Variants in CD244 observed in about 807,000 individuals in gnomAD.
CD244 encodes the protein CD244 molecule.
Under a neutral mutation model 45.5 loss-of-function variants are expected in CD244, and 20 were observed. That is an observed-to-expected ratio of 0.44 (90% CI 0.31 to 0.64). CD244 has a LOEUF of 0.64. Among genes scored for constraint, CD244 ranks in the 30% least tolerant of loss-of-function variants. CD244 has a pLI of 0.08. For synonymous variants in CD244, 185 were observed against 160.5 expected, an observed-to-expected ratio of 1.15 and a Z score of -1.15; for missense variants, 407 against 426.9, an observed-to-expected ratio of 0.95 and a Z score of 0.41.
intron 3 of CD244, among the ~76,000 whole-genome samples, chr1:160,841,006 G>C (rs528283683): frequency 6.6e-6 from 1 of 152,284 alleles, no homozygotes; most frequent in African/African-American, 2.4e-5. Context: ...AAGGAAATAG[G>C]GATAACATTT....
At chr1:160,837,621 G>A (rs758808796) in intron 5 of CD244, among the ~76,000 whole-genome samples, 20 of 152,204 alleles carry the variant, frequency 1.3e-4, no homozygotes, top group African/African-American at 3.6e-4. Flanking sequence ...TGGCCAGCAC[G>A]GAAGAGCCCC....
intron 7 of CD244, chr1:160,832,841 A>G (rs1669174944): frequency 2.2e-6 from 1 of 462,456 alleles, no homozygotes; most frequent in Admixed American, 2.7e-5. Flanking sequence ...ACATACACCT[A>G]AAACCCATAC....
At chr1:160,859,743 CAA>C (rs541327271) in intron 1 of CD244, among the ~76,000 whole-genome samples, 80 of 108,610 alleles carry the variant, frequency 7.4e-4, no homozygotes, top group African/African-American at 2.1e-3. Context: ...CCTGTATCTA[CAA>C]AAAAAAAAAA....
chr1:160,832,871 T>TACACAC (rs374890353), intron 7 of CD244, among the ~76,000 whole-genome samples: 1 of 108,238 alleles, frequency 9.2e-6, no homozygotes, highest in East Asian at 2.4e-4. Flanking sequence ...TGTGTGTGTG[T>TACACAC]ATATATATAT....
rs755005955 is a variant in CD244 at position 160,836,211 on chromosome 1, G to C, written c.878C>G (p.Ser293Cys). 1.2e-6 allele frequency: 2 copies of C among 1,613,786 alleles called. No homozygotes were observed. The highest frequency in any genetic ancestry group is 8.5e-7 in the Non-Finnish European group (1 of 1,179,648). Reference protein sequence around the residue: ...TFPGGGSTIYSMIQSQSSAPT... With the variant: ...TFPGGGSTIYCMIQSQSSAPT... Reference sequence around the variant, plus strand: ...GAGAGGTACCTGGGACTGGATCATAGAGTAGATGGTGCTCCCCCCTCCAGG... The same window carrying C: ...GAGAGGTACCTGGGACTGGATCATACAGTAGATGGTGCTCCCCCCTCCAGG... Residue 293 changes from serine to cysteine, a missense_variant, in exon 6 of 9, where the codon TCT (serine) becomes TGT (cysteine). Physicochemically the swap from Ser to Cys is moderately radical, Grantham distance 112 (BLOSUM62 -1). Transcript: ENST00000368034.
At chr1:160,839,495 A>G (rs6671710) in intron 3 of CD244, among the ~76,000 whole-genome samples, 68,889 of 151,892 alleles carry the variant, frequency 0.45, 17,561 homozygotes, top group Middle Eastern at 0.57. Flanking sequence ...ATATTCAGGG[A>G]AAAAAAATGC....
chr1:160,842,020 A>T, intron 1 of CD244, 119 bp from the exon 2 acceptor site: 2 of 700,396 alleles, frequency 2.9e-6, no homozygotes, highest in Non-Finnish European at 4.9e-6. Context: ...GGAGCCCAGA[A>T]CCTAGGAGCA....
chr1:160,833,977 C>T, intron 7 of CD244, 74 bp downstream of exon 7: 2 of 1,056,996 alleles, frequency 1.9e-6, no homozygotes, highest in Admixed American at 1.7e-5. Context: ...TGCACACACA[C>T]TCTCACTGCA....
At chr1:160,856,833 T>TA (rs532353208) in intron 1 of CD244, among the ~76,000 whole-genome samples, 6 of 149,762 alleles carry the variant, frequency 4.0e-5, no homozygotes, top group Non-Finnish European at 7.4e-5. Flanking sequence ...TACAGCAAAC[T>TA]AAAAAAAAAT....
chr1:160,839,005 C>A lies in CD244; in HGVS notation c.700G>T (p.Ala234Ser), dbSNP rs572370510. ...CAGGCAAGGGTGCCAAGGAACAGTG[C>A]GCTTAGAATCACGATGATCACCAAA... ...PFLVIIVILS[A>S]LFLGTLACFC... Residue 234 changes from alanine to serine, a missense_variant, in exon 4 of 9, where the codon GCA becomes TCA. Physicochemically the swap from Ala to Ser is moderately conservative, Grantham distance 99. Transcript: ENST00000368034. 3.1e-6 allele frequency: 5 copies of A among 1,613,996 alleles called. No individual in the cohort carries two copies. In the African/African-American group the frequency reaches 4.0e-5, roughly 13 times the overall value.
intron 7 of CD244, among the ~76,000 whole-genome samples, chr1:160,833,642 C>T (rs1669217990): frequency 6.6e-6 from 1 of 152,194 alleles, no homozygotes; most frequent in African/African-American, 2.4e-5. Context: ...TTGTGTCTCT[C>T]TAGATCCAGT....
intron 1 of CD244, among the ~76,000 whole-genome samples, chr1:160,860,872 T>C (rs12035295): frequency 0.25 from 38,790 of 152,128 alleles, 5,479 homozygotes; most frequent in East Asian, 0.4. Flanking sequence ...GCCTGCCCTA[T>C]AGACACAGGA....
intron 1 of CD244, among the ~76,000 whole-genome samples, chr1:160,846,753 T>C (rs960415683): frequency 6.6e-6 from 1 of 152,122 alleles, no homozygotes; most frequent in Non-Finnish European, 1.5e-5. Context: ...CAAAAAGGCC[T>C]GCAGTAAAGG....
At chr1:160,840,047 T>C (rs2101870182) in intron 3 of CD244, among the ~76,000 whole-genome samples, 1 of 143,908 alleles carries the variant, frequency 6.9e-6, no homozygotes, top group South Asian at 2.3e-4. Context: ...TGTGAGGTAC[T>C]TATTATCACC....
chr1:160,847,095 T>TA (rs1322909434), intron 1 of CD244, among the ~76,000 whole-genome samples: 2 of 151,670 alleles, frequency 1.3e-5, no homozygotes, highest in Non-Finnish European at 2.9e-5. Context: ...ATAAGATGTA[T>TA]AAAAAATATA....
Position 160,831,390 on chromosome 1 carries a change from C to T in CD244, c.1055G>A (p.Arg352Gln), listed in dbSNP as rs201774367. The T allele has an allele frequency of 4.9e-5, 79 of 1,613,978 alleles. No homozygotes were observed. The highest frequency in any genetic ancestry group is 8.3e-5 in the Admixed American group (5 of 60,002). Reference protein sequence around the residue: ...KSQPKAQNPARLSRKELENFD... With the variant: ...KSQPKAQNPAQLSRKELENFD... ...GTTCTCCAGCTCTTTGCGGCTCAAT[C>T]GAGCAGGGTTCTGGGCTTTAGGTTG... The change falls in exon 9 of 9, where the codon CGA becomes CAA. Residue 352 changes from arginine (R) to glutamine (Q), a missense_variant. Transcript: ENST00000368034.
intron 7 of CD244, among the ~76,000 whole-genome samples, chr1:160,833,461 A>T (rs1458224106): frequency 6.6e-6 from 1 of 152,188 alleles, no homozygotes; most frequent in Non-Finnish European, 1.5e-5. Flanking sequence ...AGAGAAAAAC[A>T]ATGACCATGT....
At chr1:160,855,968 G>A (rs542016707) in intron 1 of CD244, among the ~76,000 whole-genome samples, 10 of 152,352 alleles carry the variant, frequency 6.6e-5, no homozygotes, top group Admixed American at 4.6e-4. Context: ...CTGCCAGTCG[G>A]AGGAAGGTGT....
chr1:160,845,532 A>C (rs1571104842), intron 1 of CD244, among the ~76,000 whole-genome samples: 1 of 152,344 alleles, frequency 6.6e-6, no homozygotes, highest in Non-Finnish European at 1.5e-5. Flanking sequence ...TAGATTTGTA[A>C]AATGTGTTAC....
Sources: allele counts gnomAD v4.1 joint callset (sites outside exome capture counted in the v4.1 genomes callset), GRCh38; gene constraint gnomAD v4.1.1; transcripts MANE v1.5; gene names NCBI Gene and HGNC (gene_info 2026-07-23, HGNC 2026-07-21).